PCDH7: variants seen among roughly 807,000 people sequenced by gnomAD.
The protein encoded by PCDH7 is protocadherin-7.
A neutral mutation model predicts 58.9 loss-of-function variants in PCDH7; 17 were observed. The ratio of observed to expected loss-of-function variants is 0.29; its 90% CI spans 0.20 to 0.43. PCDH7 has a LOEUF of 0.43. Ranked by LOEUF, PCDH7 falls within the 20% of genes least tolerant of loss-of-function variation. The pLI is 1.00. For missense variants in PCDH7, 1,274 were observed against 1,441.0 expected (o/e 0.88, Z 1.88); for synonymous variants, 664 against 616.4 (o/e 1.08, Z -1.14).
intron 3 of PCDH7, among the ~76,000 whole-genome samples, chr4:30,969,000 C>A (rs1217701869): frequency 6.6e-6 from 1 of 152,128 alleles, no homozygotes; most frequent in East Asian, 1.9e-4. Flanking sequence ...AAATTGTAAT[C>A]TTTTCTTCCC....
At chr4:31,031,544 A>AT (rs1251336497) in intron 3 of PCDH7, among the ~76,000 whole-genome samples, 1 of 152,218 alleles carries the variant, frequency 6.6e-6, no homozygotes, top group African/African-American at 2.4e-5. Context: ...TTATGAATGG[A>AT]TGCGGACAGA....
chr4:31,110,947 A>G (rs1716221676), intron 3 of PCDH7, among the ~76,000 whole-genome samples: 1 of 151,914 alleles, frequency 6.6e-6, no homozygotes, highest in Non-Finnish European at 1.5e-5. Context: ...ACCAAACACT[A>G]ACTTAGATCA....
At chr4:30,850,489 C>G (rs1163551704) in intron 1 of PCDH7, among the ~76,000 whole-genome samples, 3 of 152,108 alleles carry the variant, frequency 2.0e-5, no homozygotes, top group Non-Finnish European at 4.4e-5. Flanking sequence ...ACCTAAGTGA[C>G]TTACCCTGAA....
intron 3 of PCDH7, among the ~76,000 whole-genome samples, chr4:30,976,222 C>T (rs1396227421): frequency 6.6e-6 from 1 of 151,724 alleles, no homozygotes; most frequent in Non-Finnish European, 1.5e-5. Context: ...GGCGTGATCT[C>T]GGCTCACCAC....
intron 3 of PCDH7, among the ~76,000 whole-genome samples, chr4:31,029,868 G>C (rs758704830): frequency 1.8e-4 from 27 of 152,210 alleles, no homozygotes; most frequent in Non-Finnish European, 3.1e-4. Context: ...TCTTAGAATG[G>C]ACCTTGGCAA....
chr4:30,887,727 G>T (rs1349183821), intron 1 of PCDH7, among the ~76,000 whole-genome samples: 2 of 152,068 alleles, frequency 1.3e-5, no homozygotes, highest in Non-Finnish European at 2.9e-5. Context: ...ACGTGTGAAG[G>T]TTCATACATC....
At chr4:30,820,184 CA>C (rs967609252) in intron 1 of PCDH7, among the ~76,000 whole-genome samples, 8 of 152,244 alleles carry the variant, frequency 5.3e-5, no homozygotes, top group South Asian at 2.1e-4. Context: ...GCTTTCAAAA[CA>C]GGCCCAAAGT....
At position 30,912,981 on chromosome 4, in the gene PCDH7, A is replaced by G. The variant is rs2109406964; in HGVS notation, c.71-7172A>G. On this transcript the variant is annotated intron_variant, in intron 1 of 3. Coordinates refer to the PCDH7 transcript ENST00000509759. ...TGATGGTTACTTTCTAATTAATCTA[A>G]CCAGGATGGATAAAAATAAAGTTTT... Among the ~76,000 whole-genome samples, 2 of 151,756 alleles carry G rather than the reference A, an allele frequency of 1.3e-5. 1 individual carries two copies. The highest frequency in any genetic ancestry group is 4.2e-4 in the South Asian group (2 of 4,816).
chr4:31,034,425 G>A (rs1560591360), intron 3 of PCDH7, among the ~76,000 whole-genome samples: 1 of 152,148 alleles, frequency 6.6e-6, no homozygotes, highest in South Asian at 2.1e-4. Flanking sequence ...GAAATTGTGT[G>A]CATTAAATAT....
chr4:31,109,238 T>G (rs1433657324), intron 3 of PCDH7, among the ~76,000 whole-genome samples: 1 of 152,314 alleles, frequency 6.6e-6, no homozygotes, highest in South Asian at 2.1e-4. Context: ...GCAAAGTCAC[T>G]TTGCAAAATA....
chr4:30,870,872 C>T (rs1212151961), intron 1 of PCDH7, among the ~76,000 whole-genome samples: 1 of 152,032 alleles, frequency 6.6e-6, no homozygotes, highest in African/African-American at 2.4e-5. Flanking sequence ...TAGTTATTAC[C>T]ACTGGATTTT....
chr4:30,864,005 G>T (rs186407453), intron 1 of PCDH7, among the ~76,000 whole-genome samples: 29 of 152,168 alleles, frequency 1.9e-4, no homozygotes, highest in African/African-American at 2.4e-5. Context: ...CAGTAATCAA[G>T]AATTCACTGT....
chr4:30,907,657 G>T (rs1004150015), intron 1 of PCDH7, among the ~76,000 whole-genome samples: 2 of 152,194 alleles, frequency 1.3e-5, no homozygotes, highest in Admixed American at 1.3e-4. Flanking sequence ...TGGTGGGGGT[G>T]TAAATTAGTT....
rs538967401 is a variant in PCDH7 at position 30,888,733 on chromosome 4, GA to G, written c.71-31419del. Reference sequence around the variant, plus strand: ...AGATTTGTTTCCCGGTAACTGGGAAGAGAAGAAATTGGACTGGAGAGTGGTT... The same window carrying G: ...AGATTTGTTTCCCGGTAACTGGGAAGGAAGAAATTGGACTGGAGAGTGGTT... On this transcript the variant is annotated intron_variant, in intron 1 of 3. Transcript: ENST00000509759. 3.2e-3 allele frequency among the ~76,000 whole-genome samples: 480 copies of G among 152,296 alleles called. 3 individuals are homozygous for G. Among genetic ancestry groups the G allele is most frequent in the African/African-American group, 9.1e-3 (379 of 41,568 alleles).
In PCDH7 at chr4:30,786,829, T is replaced by C. The variant is rs988175746; in HGVS notation, c.70+62233T>C. 10 of 791,890 alleles carry C rather than the reference T, an allele frequency of 1.3e-5. No homozygotes were observed. In the Admixed American group the frequency reaches 1.9e-4, roughly 15 times the overall value. 49.1% of individuals were successfully genotyped at this position (791,890 alleles called of 1,614,324 possible). On this transcript the variant is annotated intron_variant, in intron 1 of 3. Transcript: ENST00000509759. ...AAATATATGCAGTGTTCCAACTCAA[T>C]ATGTTGGATCCTAATAGACCTGGAT...
chr4:30,745,367 T>A (rs1381382941), intron 1 of PCDH7, among the ~76,000 whole-genome samples: 1 of 152,182 alleles, frequency 6.6e-6, no homozygotes, highest in Non-Finnish European at 1.5e-5. Context: ...CTTTCATTTA[T>A]CTAGTGCTCT....
intron 3 of PCDH7, among the ~76,000 whole-genome samples, chr4:31,142,075 A>G (rs944706003): frequency 6.6e-6 from 1 of 152,194 alleles, no homozygotes; most frequent in African/African-American, 2.4e-5. Context: ...TAATTTATAA[A>G]TCCAGAAAAT....
intron 1 of PCDH7, among the ~76,000 whole-genome samples, chr4:30,908,990 G>A (rs1022372710): frequency 5.9e-5 from 9 of 152,118 alleles, no homozygotes; most frequent in African/African-American, 2.2e-4. Context: ...CCACGATCAA[G>A]TCAGCTTCAT....
intron 1 of PCDH7, among the ~76,000 whole-genome samples, chr4:30,785,932 G>A (rs1169460962): frequency 6.6e-6 from 1 of 151,892 alleles, no homozygotes; most frequent in African/African-American, 2.4e-5. Context: ...CCATCGAATT[G>A]GAAAAAGACA....
Sources: allele counts gnomAD v4.1 joint callset (sites outside exome capture counted in the v4.1 genomes callset), GRCh38; gene constraint gnomAD v4.1.1; transcripts MANE v1.5; gene names NCBI Gene and HGNC (gene_info 2026-07-23, HGNC 2026-07-21).